Variants in QTMAN observed in about 807,000 individuals in gnomAD.
QTMAN encodes tRNA-queuosine alpha-mannosyltransferase.
chr2:144,017,293 G>A, the QTMAN span, among the ~76,000 whole-genome samples: 1 of 152,080 alleles, frequency 6.6e-6, no homozygotes, highest in African/African-American at 2.4e-5. Flanking sequence ...GTGAGCCACT[G>A]TGCCTGGCCC....
chr2:144,180,630 T>C, the QTMAN span, among the ~76,000 whole-genome samples: 1 of 152,220 alleles, frequency 6.6e-6, no homozygotes, highest in Admixed American at 6.5e-5. Context: ...TTGATCAAGT[T>C]GATGTGTTTC....
chr2:144,167,562 A>G, the QTMAN span, among the ~76,000 whole-genome samples: 3 of 152,130 alleles, frequency 2.0e-5, no homozygotes, highest in South Asian at 4.1e-4. Flanking sequence ...TCTCGTGATA[A>G]TGAGTGAGTC....
chr2:144,011,583 G>T, the QTMAN span: 1 of 967,180 alleles, frequency 1.0e-6, no homozygotes, highest in Non-Finnish European at 1.2e-6. Context: ...TTCTTAATCA[G>T]ACACTATTTA....
the QTMAN span, among the ~76,000 whole-genome samples, chr2:143,973,177 A>C: frequency 6.6e-6 from 1 of 152,032 alleles, no homozygotes; most frequent in Non-Finnish European, 1.5e-5. Flanking sequence ...ACAGTTTCAC[A>C]AAGTCCTGCA....
the QTMAN span, among the ~76,000 whole-genome samples, chr2:144,027,749 A>G: frequency 6.6e-6 from 1 of 152,230 alleles, no homozygotes; most frequent in Non-Finnish European, 1.5e-5. Flanking sequence ...GACACACACC[A>G]TGGAGGTAAT....
At chr2:144,123,934 ATTACT>A in the QTMAN span, among the ~76,000 whole-genome samples, 31 of 152,280 alleles carry the variant, frequency 2.0e-4, no homozygotes, top group East Asian at 5.4e-3. Flanking sequence ...TAATTTACAG[ATTACT>A]TTAACCAAAC....
chr2:144,247,845 T>C, the QTMAN span, among the ~76,000 whole-genome samples: 1 of 152,078 alleles, frequency 6.6e-6, no homozygotes, highest in African/African-American at 2.4e-5. Context: ...ACCTGACTAA[T>C]TTTTTGTTTT....
At chr2:144,041,314 C>T in the QTMAN span, among the ~76,000 whole-genome samples, 1 of 151,966 alleles carries the variant, frequency 6.6e-6, no homozygotes, top group African/African-American at 2.4e-5. Context: ...GGAAATGTAC[C>T]AAAATATTTT....
chr2:144,298,164 G>A, the QTMAN span, among the ~76,000 whole-genome samples: 1 of 151,410 alleles, frequency 6.6e-6, no homozygotes, highest in Non-Finnish European at 1.5e-5. Context: ...GACTACAGGC[G>A]CCTGCCACCA....
At chr2:143,994,136 C>T in the QTMAN span, among the ~76,000 whole-genome samples, 7,690 of 152,162 alleles carry the variant, frequency 0.051, 323 homozygotes, top group African/African-American at 0.11. Context: ...TGCCCTATAT[C>T]AGGTTTATGG....
the QTMAN span, among the ~76,000 whole-genome samples, chr2:143,967,006 C>G: frequency 1.6e-3 from 244 of 152,288 alleles, no homozygotes; most frequent in African/African-American, 5.7e-3. Context: ...ATACATTAAG[C>G]CTTTCTTGGT....
the QTMAN span, among the ~76,000 whole-genome samples, chr2:144,273,992 G>A: frequency 2.0e-5 from 3 of 152,082 alleles, no homozygotes; most frequent in African/African-American, 7.2e-5. Context: ...AAATGAGCTG[G>A]GCGTGATGGC....
At chr2:144,147,502 A>G in the QTMAN span, among the ~76,000 whole-genome samples, 1 of 151,826 alleles carries the variant, frequency 6.6e-6, no homozygotes, top group Non-Finnish European at 1.5e-5. Context: ...ATTTCAAACA[A>G]TATTTTCCTT....
the QTMAN span, chr2:144,294,616 A>G: frequency 0.99 from 148,569 of 150,730 alleles, 73,204 homozygotes; most frequent in South Asian, 1. Context: ...GTGTGTGTGT[A>G]TGTGTGTGTG....
chr2:144,239,172 G>GAAAAAAA, the QTMAN span, among the ~76,000 whole-genome samples: 1 of 125,196 alleles, frequency 8.0e-6, no homozygotes, highest in African/African-American at 3.1e-5. Flanking sequence ...AAAAAGAAAA[G>GAAAAAAA]AAAAAAAAGA....
At chr2:144,204,101 C>T in the QTMAN span, among the ~76,000 whole-genome samples, 12 of 152,122 alleles carry the variant, frequency 7.9e-5, no homozygotes, top group Non-Finnish European at 5.9e-5. Context: ...GACTTCATGT[C>T]TAAAACACCA....
At chr2:144,181,848 T>A in the QTMAN span, among the ~76,000 whole-genome samples, 1 of 152,198 alleles carries the variant, frequency 6.6e-6, no homozygotes, top group East Asian at 1.9e-4. Flanking sequence ...AAATAACTTA[T>A]GTGACAGTTA....
the QTMAN span, among the ~76,000 whole-genome samples, chr2:144,196,392 C>T: frequency 6.6e-6 from 1 of 151,880 alleles, no homozygotes; most frequent in South Asian, 2.1e-4. Flanking sequence ...AATCTTGGAA[C>T]CACCAAAACA....
the QTMAN span, among the ~76,000 whole-genome samples, chr2:144,326,626 A>G: frequency 1.3e-5 from 2 of 151,936 alleles, no homozygotes; most frequent in African/African-American, 4.8e-5. Flanking sequence ...CTCCAGTACT[A>G]ACGATGGCAA....
Sources: gnomAD v4.1 joint callset for allele counts (sites outside exome capture counted in the v4.1 genomes callset) on GRCh38, gnomAD v4.1.1 for gene constraint, MANE v1.5 for transcripts, NCBI Gene and HGNC (gene_info 2026-07-23, HGNC 2026-07-21) for gene names.